RSU1: variants seen among roughly 807,000 people sequenced by gnomAD.
The protein encoded by RSU1 is rsu-1.
Under a neutral mutation model 31.1 loss-of-function variants are expected in RSU1, and 26 were observed. That is an observed-to-expected ratio of 0.84 (90% CI 0.61 to 1.16). The LOEUF is 1.16. Ranked by LOEUF, RSU1 falls within the 50% of genes most tolerant of loss-of-function variation. The pLI is 0.00. For synonymous variants in RSU1, 164 were observed against 136.3 expected (o/e 1.20, Z -1.41); for missense variants, 320 against 339.1 (o/e 0.94, Z 0.44).
intron 7 of RSU1, among the ~76,000 whole-genome samples, chr10:16,722,895 T>TATATACACACATATACATATATGC (rs1564332569): frequency 2.8e-5 from 4 of 145,330 alleles, no homozygotes; most frequent in Admixed American, 6.9e-5. Context: ...TACATATATG[T>TATATACACACATATACATATATGC]ATATATACAC....
intron 7 of RSU1, among the ~76,000 whole-genome samples, chr10:16,746,375 C>A (rs537607667): frequency 2.0e-5 from 3 of 152,104 alleles, no homozygotes; most frequent in Non-Finnish European, 4.4e-5. Flanking sequence ...TGTTGCATGC[C>A]GAGCAGACCA....
intron 7 of RSU1, among the ~76,000 whole-genome samples, chr10:16,709,864 T>A (rs1222288808): frequency 6.6e-6 from 1 of 152,234 alleles, no homozygotes; most frequent in Non-Finnish European, 1.5e-5. Context: ...GTAAATTTGT[T>A]TGAGTTCATT....
intron 8 of RSU1, among the ~76,000 whole-genome samples, chr10:16,687,334 A>G (rs1835457837): frequency 1.3e-5 from 2 of 152,190 alleles, no homozygotes; most frequent in Non-Finnish European, 2.9e-5. Flanking sequence ...TCAAATGGGA[A>G]CAAGCACCTT....
chr10:16,806,814 C>T lies in RSU1; in HGVS notation c.109+10159G>A, dbSNP rs543366203. Among the ~76,000 whole-genome samples the T allele has an allele frequency of 2.6e-5, 4 of 152,242 alleles. 1 individual carries two copies. The South Asian group carries it at 8.3e-4, about 31-fold the overall frequency. On this transcript the variant is annotated intron_variant, in intron 2 of 8. Coordinates refer to ENST00000345264, the MANE Select transcript of RSU1 (RefSeq NM_012425.4). ...TGTCGCCCAGGCTGGAGTACAATGGCGTGATCTTAGCCCACTGGAGCCTCT... is the reference window on the plus strand; with the variant it reads ...TGTCGCCCAGGCTGGAGTACAATGGTGTGATCTTAGCCCACTGGAGCCTCT...
At chr10:16,652,392 CAAAAAAAAAA>C (rs71505091) in intron 8 of RSU1, among the ~76,000 whole-genome samples, 1 of 89,158 alleles carries the variant, frequency 1.1e-5, no homozygotes. Flanking sequence ...TGCCCCAAAG[CAAAAAAAAAA>C]AAAAAAAAAA....
intron 8 of RSU1, among the ~76,000 whole-genome samples, chr10:16,660,645 CTTTTTTTTTTT>C (rs796601054): frequency 1.3e-5 from 1 of 79,542 alleles, no homozygotes; most frequent in Non-Finnish European, 2.2e-5. Flanking sequence ...CTTGAACTCT[CTTTTTTTTTTT>C]TTTTTTTTGA....
At chr10:16,638,573 T>G (rs1484977878) in intron 8 of RSU1, among the ~76,000 whole-genome samples, 3 of 152,310 alleles carry the variant, frequency 2.0e-5, no homozygotes, top group Middle Eastern at 3.4e-3. Context: ...GGGGGCTCTT[T>G]GAGAGGTTCG....
At chr10:16,726,725 T>C (rs928344484) in intron 7 of RSU1, among the ~76,000 whole-genome samples, 5 of 152,178 alleles carry the variant, frequency 3.3e-5, no homozygotes, top group Admixed American at 2.6e-4. Flanking sequence ...TTTTCTCATA[T>C]TGAATTAGTT....
intron 7 of RSU1, among the ~76,000 whole-genome samples, chr10:16,711,165 C>A (rs1836009703): frequency 6.6e-6 from 1 of 152,104 alleles, no homozygotes; most frequent in Admixed American, 6.6e-5. Flanking sequence ...AAGAACTTAT[C>A]TATTTCTTCC....
chr10:16,701,142 A>C (rs1451557708), intron 7 of RSU1, among the ~76,000 whole-genome samples: 2 of 152,230 alleles, frequency 1.3e-5, no homozygotes, highest in Non-Finnish European at 2.9e-5. Context: ...ATTCCATGTT[A>C]ACAGTATGGA....
intron 8 of RSU1, among the ~76,000 whole-genome samples, chr10:16,600,567 T>C (rs57077088): frequency 8.8e-6 from 1 of 114,028 alleles, no homozygotes; most frequent in Non-Finnish European, 1.6e-5. Flanking sequence ...TTTTTTTTTT[T>C]AGGGGGGGGT....
chr10:16,728,248 T>C (rs1285746873), intron 7 of RSU1, among the ~76,000 whole-genome samples: 1 of 152,160 alleles, frequency 6.6e-6, no homozygotes, highest in Non-Finnish European at 1.5e-5. Context: ...TCAAAATACG[T>C]CATAAAAGAC....
chr10:16,746,665 C>CTT (rs535857942), intron 7 of RSU1, among the ~76,000 whole-genome samples: 18 of 101,854 alleles, frequency 1.8e-4, no homozygotes, highest in African/African-American at 4.2e-4. Flanking sequence ...TCCCAAATCA[C>CTT]TTTTTTTTTT....
intron 2 of RSU1, among the ~76,000 whole-genome samples, chr10:16,799,847 G>A (rs1202414346): frequency 1.3e-5 from 2 of 152,154 alleles, no homozygotes; most frequent in South Asian, 2.1e-4. Context: ...GGGCGGGGAG[G>A]GGATGCGGGG....
intron 2 of RSU1, among the ~76,000 whole-genome samples, chr10:16,801,298 G>C (rs937720005): frequency 6.6e-6 from 1 of 152,036 alleles, no homozygotes; most frequent in Non-Finnish European, 1.5e-5. Flanking sequence ...AATAAAAAAG[G>C]GTATTACATG....
chr10:16,596,652 C>A (rs1278069483), intron 8 of RSU1, among the ~76,000 whole-genome samples: 1 of 152,216 alleles, frequency 6.6e-6, no homozygotes, highest in Non-Finnish European at 1.5e-5. Context: ...GTTTCCCAAA[C>A]CCCTTATCCG....
At chr10:16,760,719 G>A (rs1326502946) in intron 4 of RSU1, among the ~76,000 whole-genome samples, 2 of 151,876 alleles carry the variant, frequency 1.3e-5, no homozygotes, top group Non-Finnish European at 2.9e-5. Flanking sequence ...CAACGTTACC[G>A]CCTGTATATT....
At position 16,637,457 on chromosome 10, in the gene RSU1, ATT is replaced by A. The variant is rs200592205; in HGVS notation, c.732-43963_732-43962del. On this transcript the variant is annotated intron_variant, in intron 8 of 8. Transcript: ENST00000345264. ...GTTTATACTTGTCATTTTCCTAAGG[ATT>A]TTTTTTTTTTTTTTAACTCATAAAC... 8.0e-4 allele frequency among the ~76,000 whole-genome samples: 113 copies of A among 141,516 alleles called. No individual in the cohort carries two copies. In the East Asian group the frequency reaches 1.0e-2, roughly 12 times the overall value. 92.8% of individuals were successfully genotyped at this position (141,516 alleles called of 152,430 possible).
chr10:16,769,761 GATGAGT>G (rs1837385569), intron 3 of RSU1, among the ~76,000 whole-genome samples: 1 of 152,170 alleles, frequency 6.6e-6, no homozygotes, highest in Admixed American at 6.5e-5. Context: ...GCGATAATGC[GATGAGT>G]ATAATAATCA....
Sources: allele counts gnomAD v4.1 joint callset (sites outside exome capture counted in the v4.1 genomes callset), GRCh38; gene constraint gnomAD v4.1.1; transcripts MANE v1.5; gene names NCBI Gene and HGNC (gene_info 2026-07-23, HGNC 2026-07-21).